The following GAS6 variants were observed in gnomAD, a reference collection of about 807,000 sequenced individuals.
GAS6 encodes the protein growth arrest-specific protein 6.
A neutral mutation model predicts 75.8 loss-of-function variants in GAS6; 41 were observed. The ratio of observed to expected loss-of-function variants is 0.54; its 90% CI spans 0.42 to 0.70. GAS6 has a LOEUF of 0.70. Ranked by LOEUF, GAS6 falls within the 30% of genes least tolerant of loss-of-function variation. The probability of loss-of-function intolerance (pLI) is 0.00; values close to 1 mark genes in which losing one functional copy is unlikely to be tolerated. For synonymous variants in GAS6, 432 were observed against 412.6 expected (o/e 1.05, Z -0.57); for missense variants, 854 against 940.2 (o/e 0.91, Z 1.20).
intron 8 of GAS6, chr13:113,832,984 T>C: frequency 1.4e-6 from 2 of 1,428,380 alleles, no homozygotes; most frequent in Non-Finnish European, 1.8e-6. Flanking sequence ...GGGGTCCCCG[T>C]CATCTCCTTC....
At chr13:113,826,941 A>C in intron 12 of GAS6, 55 bp downstream of exon 12, 16 of 1,408,926 alleles carry the variant, frequency 1.1e-5, no homozygotes, top group Non-Finnish European at 1.2e-5. Context: ...CTTTCAGCGT[A>C]TGCCTGTCTG....
intron 2 of GAS6, among the ~76,000 whole-genome samples, chr13:113,859,045 AGT>A (rs897732383): frequency 1.2e-4 from 17 of 141,732 alleles, no homozygotes; most frequent in Admixed American, 8.4e-4. Context: ...ATGTCTGGAC[AGT>A]GTGTGACTGT....
intron 7 of GAS6, 88 bp downstream of exon 7, chr13:113,835,425 T>A: frequency 6.7e-7 from 1 of 1,485,850 alleles, no homozygotes; most frequent in Non-Finnish European, 9.2e-7. Context: ...AAGCACCCGG[T>A]TGTTAGCAAC....
intron 12 of GAS6, 95 bp from the exon 13 acceptor site, chr13:113,823,645 G>C: frequency 4.8e-6 from 6 of 1,259,392 alleles, no homozygotes; most frequent in Non-Finnish European, 6.6e-6. Flanking sequence ...TCCCAGCCGG[G>C]GTGGGAAGCT....
chr13:113,842,770 T>C (rs941400445), intron 4 of GAS6: 1 of 396,818 alleles, frequency 2.5e-6, no homozygotes, highest in Non-Finnish European at 4.4e-6. Context: ...GCCGCTACGA[T>C]GTTTGGTTAG....
In GAS6 at chr13:113,823,524, C is replaced by T; in HGVS notation, c.1504G>A (p.Glu502Lys). 1 of 1,612,506 alleles carries T rather than the reference C, an allele frequency of 6.2e-7. No individual in the cohort carries two copies. The highest frequency in any genetic ancestry group is 8.5e-7 in the Non-Finnish European group (1 of 1,179,816). ...YMRTPLDVGT[E>K]STWEVEVVAH... Reference sequence around the variant, plus strand: ...ACGACTTCTACTTCCCAGGTTGATTCAGTCCCGACGTCCAGAGGGGTCCGC... The same window carrying T: ...ACGACTTCTACTTCCCAGGTTGATTTAGTCCCGACGTCCAGAGGGGTCCGC... The change falls in exon 13 of 15, where the codon GAA becomes AAA. Residue 502 changes from glutamate to lysine, a missense_variant. Coordinates refer to ENST00000327773, the MANE Select transcript of GAS6 (RefSeq NM_000820.4).
chr13:113,861,083 G>A (rs571035302), intron 2 of GAS6, among the ~76,000 whole-genome samples: 4 of 152,112 alleles, frequency 2.6e-5, no homozygotes, highest in Non-Finnish European at 5.9e-5. Flanking sequence ...GGGTGCTTCC[G>A]GGAAGAAGGC....
intron 10 of GAS6, among the ~76,000 whole-genome samples, chr13:113,829,423 C>T (rs111947688): frequency 1.7e-5 from 1 of 59,196 alleles, no homozygotes; most frequent in South Asian, 6.0e-4. Flanking sequence ...ATCTCAGGGA[C>T]ACCACCTGAT....
intron 2 of GAS6, among the ~76,000 whole-genome samples, chr13:113,853,103 T>C (rs1000297159): frequency 6.6e-6 from 1 of 152,212 alleles, no homozygotes; most frequent in African/African-American, 2.4e-5. Context: ...CATTCACTTT[T>C]TAAAAATGGC....
Position 113,863,742 on chromosome 13 carries a change from C to T in GAS6, c.89-1G>A. The stretch of plus-strand genomic sequence containing the variant: ...GCCTCGCGCGCCGGCAACAGCGCGG[C>T]TGCCCGGAGGGAGAGAGGGGGACGC... On this transcript the variant is annotated splice_acceptor_variant, in intron 1 of 14. Transcript: ENST00000327773. LOFTEE classifies it high-confidence loss of function. This position sits in a 1 kb window ranked among gnomAD's most constrained non-coding sequence, Gnocchi z 9.4. 1 of 1,490,632 alleles carries T rather than the reference C, an allele frequency of 6.7e-7. No individual in the cohort carries two copies. Among genetic ancestry groups the T allele is most frequent in the Non-Finnish European group, 8.9e-7 (1 of 1,125,796 alleles). 92.3% of individuals were successfully genotyped at this position (1,490,632 alleles called of 1,614,324 possible).
Position 113,863,596 on chromosome 13 carries a change from C to A in GAS6, c.234G>T (p.Val78=). The A allele has an allele frequency of 6.6e-7, 1 of 1,519,470 alleles. No individual in the cohort carries two copies. The highest frequency in any genetic ancestry group is 2.7e-5 in the East Asian group (1 of 36,828). 94.1% of individuals were successfully genotyped at this position (1,519,470 alleles called of 1,614,324 possible). ...TCACCGTCTCGGGGTCGTTCTCGAA[C>A]ACCTCCCGCGCCTCCTCGCGGCTGC... ...ELCSREEARE[V]FENDPETDYF... The change falls in exon 2 of 15, where the codon GTG becomes GTT. Residue 78 remains valine (V), a synonymous_variant. Coordinates refer to ENST00000327773, the MANE Select transcript of GAS6 (RefSeq NM_000820.4). This position sits in a 1 kb window ranked among gnomAD's most constrained non-coding sequence, Gnocchi z 9.4.
Position 113,823,480 on chromosome 13 carries a change from G to C in GAS6, c.1548C>G (p.Ala516=), listed in dbSNP as rs149090898. 6.8e-6 allele frequency: 11 copies of C among 1,612,686 alleles called. No homozygotes were observed. The highest frequency in any genetic ancestry group is 1.3e-5 in the African/African-American group (1 of 74,946). ...EVEVVAHIRP[A]ADTGVLFALW... ...GCGCAAACAGCACGCCTGTGTCTGC[G>C]GCTGGGCGGATGTGAGCCACGACTT... Residue 516 remains alanine, a synonymous_variant, in exon 13 of 15, where the codon GCC becomes GCG. Transcript: ENST00000327773.
intron 12 of GAS6, among the ~76,000 whole-genome samples, chr13:113,826,508 G>A (rs1289161537): frequency 8.1e-6 from 1 of 123,114 alleles, no homozygotes; most frequent in Non-Finnish European, 1.7e-5. Context: ...CGCCGGCCTC[G>A]CAGGCACCTT....
chr13:113,832,299 T>G lies in GAS6; in HGVS notation c.1143A>C (p.Thr381=), dbSNP rs763061345. ...GAAGGGGTGGCTGCCGCACACTCAC[T>G]GTCTGCCACATGCCATGGTTGATGA... The part of the protein sequence containing the change: ...GPVINHGMWQ[T]ISVEELARNL... Residue 381 remains threonine, a splice_region_variant and synonymous_variant, in exon 10 of 15, where the codon ACA becomes ACC. Transcript: ENST00000327773. The G allele has an allele frequency of 6.3e-7, 1 of 1,597,400 alleles. No individual in the cohort carries two copies. Among genetic ancestry groups the G allele is most frequent in the Non-Finnish European group, 8.5e-7 (1 of 1,179,598 alleles).
chr13:113,862,863 C>T (rs2051983415), intron 2 of GAS6, among the ~76,000 whole-genome samples: 1 of 152,196 alleles, frequency 6.6e-6, no homozygotes, highest in South Asian at 2.1e-4. Flanking sequence ...GAATCCACAC[C>T]TTCTCGGACT....
At chr13:113,854,324 A>G (rs1418756165) in intron 2 of GAS6, among the ~76,000 whole-genome samples, 1 of 152,242 alleles carries the variant, frequency 6.6e-6, no homozygotes, top group Non-Finnish European at 1.5e-5. Context: ...CGAGACACAC[A>G]TCAGTGTCTC....
At chr13:113,823,318 A>G (rs1366078344) in intron 13 of GAS6, 57 bp downstream of exon 13, 1 of 1,515,540 alleles carries the variant, frequency 6.6e-7, no homozygotes, top group Non-Finnish European at 8.9e-7. Context: ...CAGGGAGTGC[A>G]GCCCACGTAC....
intron 12 of GAS6, among the ~76,000 whole-genome samples, chr13:113,825,613 C>T (rs543238320): frequency 1.3e-5 from 2 of 152,238 alleles, no homozygotes; most frequent in East Asian, 3.9e-4. Flanking sequence ...ATAAGGTTAC[C>T]CCTGAGAAAT....
intron 12 of GAS6, 85 bp downstream of exon 12, chr13:113,826,911 C>T (rs1214268272): frequency 1.1e-6 from 1 of 897,788 alleles, no homozygotes; most frequent in Non-Finnish European, 1.5e-6. Context: ...CTGACGCTGC[C>T]ATCTGAGGCC....
Sources: gnomAD v4.1 joint callset for allele counts (sites outside exome capture counted in the v4.1 genomes callset) on GRCh38, gnomAD v4.1.1 for gene constraint, Gnocchi (gnomAD v3.1) non-coding constraint, MANE v1.5 for transcripts, NCBI Gene and HGNC (gene_info 2026-07-23, HGNC 2026-07-21) for gene names.